CCSER2: variants seen among roughly 807,000 people sequenced by gnomAD.
CCSER2 encodes coiled-coil serine rich protein 2.
A neutral mutation model predicts 92.3 loss-of-function variants in CCSER2; 46 were observed. The observed-to-expected ratio is 0.50, with a 90% CI of 0.39 to 0.64. CCSER2 has a LOEUF of 0.64. Among genes scored for constraint, CCSER2 ranks in the 30% least tolerant of loss-of-function variants. CCSER2 has a pLI of 0.00. For synonymous variants in CCSER2, 433 were observed against 431.4 expected, an observed-to-expected ratio of 1.00 and a Z score of -0.04; for missense variants, 1,244 against 1,238.9, an observed-to-expected ratio of 1.00 and a Z score of -0.06.
At chr10:84,408,910 T>C (rs765984240) in intron 3 of CCSER2, among the ~76,000 whole-genome samples, 1 of 152,182 alleles carries the variant, frequency 6.6e-6, no homozygotes, top group Non-Finnish European at 1.5e-5. Flanking sequence ...TTATAATGCT[T>C]ATTGTGATAA....
chr10:84,353,221 T>G (rs1246087560), intron 1 of CCSER2, among the ~76,000 whole-genome samples: 1 of 152,202 alleles, frequency 6.6e-6, no homozygotes, highest in African/African-American at 2.4e-5. Context: ...GTTAAGCCTT[T>G]CCACCCTCTG....
chr10:84,502,610 A>G (rs940258798), intron 9 of CCSER2, among the ~76,000 whole-genome samples: 1 of 151,908 alleles, frequency 6.6e-6, no homozygotes. Flanking sequence ...TGACCTTGTG[A>G]TCTACCTGGC....
rs182885678 is a variant in CCSER2 at position 84,455,627 on chromosome 10, T to G, written c.2065-8306T>G. On this transcript the variant is annotated intron_variant, in intron 6 of 9. Transcript: ENST00000372088. ...AAGAACTGTATCAGTCTTGACCTTT[T>G]TTGAACTGCCTTCCACAGAAATGAG... is the stretch of plus-strand genomic sequence containing the variant. 4 of 626,038 alleles carry G rather than the reference T, an allele frequency of 6.4e-6. No individual in the cohort carries two copies. In the East Asian group the frequency reaches 9.5e-5, roughly 15 times the overall value. The allele number at this position is 626,038 out of a possible 1,614,324, so 38.8% of individuals were successfully genotyped here.
chr10:84,465,314 A>AT (rs34510394), intron 7 of CCSER2, among the ~76,000 whole-genome samples: 1,506 of 49,904 alleles, frequency 0.03, 295 homozygotes, highest in Non-Finnish European at 0.038. Context: ...ACATGTAAAG[A>AT]TTTTTTTTTT....
chr10:84,357,640 C>T (rs965027607), intron 1 of CCSER2, among the ~76,000 whole-genome samples: 5 of 152,010 alleles, frequency 3.3e-5, no homozygotes, highest in African/African-American at 1.2e-4. Flanking sequence ...TTAGTAGAGA[C>T]GGGGTTTCAC....
rs1025155512 is a variant in CCSER2 at position 84,466,755 on chromosome 10, C to T, written c.2148+2739C>T. Among the ~76,000 whole-genome samples the T allele has an allele frequency of 7.2e-5, 11 of 151,892 alleles. No homozygotes were observed. The East Asian group carries it at 1.7e-3, about 24-fold the overall frequency. On this transcript the variant is annotated intron_variant, in intron 7 of 9. Transcript: ENST00000372088. ...TTCTTGATCTCCTGACCTCGTGATC[C>T]GTCCGCCTCGGCCTCCCAAAGTGCT... is the stretch of plus-strand genomic sequence containing the variant.
In CCSER2 at chr10:84,418,058, A is replaced by G. The variant is rs551697734; in HGVS notation, c.1705+197A>G. 2.6e-5 allele frequency among the ~76,000 whole-genome samples: 4 copies of G among 152,356 alleles called. No homozygotes were observed. In the East Asian group the frequency reaches 7.7e-4, roughly 29 times the overall value. The stretch of plus-strand genomic sequence containing the variant: ...AAACCTGATTTTGTAAGTCTTAGAT[A>G]TAATTCTCTATCATCCAATAACATT... On this transcript the variant is annotated intron_variant, in intron 4 of 9. Transcript: ENST00000372088.
intron 3 of CCSER2, among the ~76,000 whole-genome samples, chr10:84,389,820 A>G (rs145664217): frequency 2.0e-5 from 3 of 152,200 alleles, no homozygotes; most frequent in Non-Finnish European, 4.4e-5. Context: ...TGCTCCTTCA[A>G]ACAGACTCCT....
At chr10:84,421,579 C>T (rs1003080154) in intron 4 of CCSER2, among the ~76,000 whole-genome samples, 1 of 152,142 alleles carries the variant, frequency 6.6e-6, no homozygotes, top group Non-Finnish European at 1.5e-5. Flanking sequence ...TCCACCTGGT[C>T]CTGCCCTTTA....
intron 9 of CCSER2, among the ~76,000 whole-genome samples, chr10:84,477,873 A>G (rs1050174218): frequency 6.6e-6 from 1 of 152,112 alleles, no homozygotes; most frequent in Non-Finnish European, 1.5e-5. Flanking sequence ...GTGCATTTTA[A>G]TAGCTTTTTC....
At chr10:84,333,331 C>T (rs536908281) in intron 1 of CCSER2, among the ~76,000 whole-genome samples, 1 of 152,226 alleles carries the variant, frequency 6.6e-6, no homozygotes, top group South Asian at 2.1e-4. Flanking sequence ...TTTGCTGGTT[C>T]TTGGCATGGA....
intron 3 of CCSER2, among the ~76,000 whole-genome samples, chr10:84,381,884 C>T (rs1357810431): frequency 2.7e-5 from 4 of 145,676 alleles, no homozygotes; most frequent in African/African-American, 1.0e-4. Context: ...GATCATGCCA[C>T]ACTCCAGCCT....
chr10:84,423,670 GA>G (rs1266128018), intron 4 of CCSER2, among the ~76,000 whole-genome samples: 2 of 152,076 alleles, frequency 1.3e-5, no homozygotes, highest in Non-Finnish European at 2.9e-5. Flanking sequence ...CTGAATTGAG[GA>G]AAAATATGAA....
rs199805820 is a variant in CCSER2, at chr10:84,439,198, C to T, written c.2064+491C>T. ...CTTCTCCTGTTTTTTTTTTTCTTTT[C>T]TTTTTTTTTTTTGAGAAAATCTAGA... is the stretch of plus-strand genomic sequence containing the variant. On this transcript the variant is annotated intron_variant, in intron 6 of 9. Transcript: ENST00000372088. 8.6e-4 allele frequency among the ~76,000 whole-genome samples: 120 copies of T among 139,642 alleles called. 1 individual carries two copies. The highest frequency in any genetic ancestry group is 1.9e-3 in the East Asian group (9 of 4,840). The allele number at this position is 139,642 out of a possible 152,430, so 91.6% of individuals were successfully genotyped here. A position where few individuals can be genotyped will look rare whatever the true frequency, so the allele number is the denominator to read the frequency against.
chr10:84,427,808 A>G (rs1038734645), intron 5 of CCSER2, among the ~76,000 whole-genome samples: 5 of 152,134 alleles, frequency 3.3e-5, no homozygotes, highest in Admixed American at 1.3e-4. Context: ...TCTCCTAATC[A>G]TAACTGAAAC....
intron 3 of CCSER2, among the ~76,000 whole-genome samples, chr10:84,376,630 A>G (rs1033029892): frequency 5.3e-5 from 8 of 152,062 alleles, no homozygotes; most frequent in Non-Finnish European, 8.8e-5. Context: ...GTTTCTGGCT[A>G]TTAGAGTATT....
At chr10:84,499,978 C>G (rs1378101595) in intron 9 of CCSER2, 4 of 1,613,860 alleles carry the variant, frequency 2.5e-6, no homozygotes, top group Non-Finnish European at 3.4e-6. Flanking sequence ...GTGTCTCTCA[C>G]TCCTATCCTG....
chr10:84,484,654 C>G (rs951360481), intron 9 of CCSER2, among the ~76,000 whole-genome samples: 1 of 152,064 alleles, frequency 6.6e-6, no homozygotes, highest in Non-Finnish European at 1.5e-5. Flanking sequence ...ATGATCTGGT[C>G]ATACAGTTAT....
intron 1 of CCSER2, among the ~76,000 whole-genome samples, chr10:84,349,282 A>G (rs1844728298): frequency 6.6e-6 from 1 of 152,246 alleles, no homozygotes; most frequent in Non-Finnish European, 1.5e-5. Context: ...TGTTCAAGCC[A>G]GAAACCTGAA....
Sources: gnomAD v4.1 joint callset for allele counts (sites outside exome capture counted in the v4.1 genomes callset) on GRCh38, gnomAD v4.1.1 for gene constraint, MANE v1.5 for transcripts, NCBI Gene and HGNC (gene_info 2026-07-23, HGNC 2026-07-21) for gene names.